The following KDM6A variants were observed in gnomAD, a reference collection of about 807,000 sequenced individuals.
KDM6A encodes lysine-specific demethylase 6A.
KDM6A carries 11 observed loss-of-function variants against 117.6 expected under a neutral mutation model. That is an observed-to-expected ratio of 0.09 (90% CI 0.06 to 0.15). The LOEUF (loss-of-function observed/expected upper bound fraction) is 0.15. KDM6A is among the 10% of genes least tolerant of loss of function. KDM6A has a pLI of 1.00. For synonymous variants in KDM6A, 384 were observed against 396.1 expected (o/e 0.97, Z 0.36); for missense variants, 799 against 1,077.3 (o/e 0.74, Z 3.62).
chrX:45,083,692 C>A, intron 24 of KDM6A, 84 bp downstream of exon 24: 1 of 848,186 alleles, frequency 1.2e-6, no homozygotes, highest in Non-Finnish European at 1.7e-6. Context: ...AGAATCTTGT[C>A]ATTTATAATG....
intron 27 of KDM6A, among the ~76,000 whole-genome samples, chrX:45,097,390 T>C (rs1451299388): frequency 1.8e-5 from 2 of 111,431 alleles, no homozygotes; most frequent in Non-Finnish European, 3.8e-5. Context: ...AGAAAGGTAA[T>C]TGAGTACATT....
chrX:44,925,713 C>T (rs1289623940), intron 2 of KDM6A, among the ~76,000 whole-genome samples: 2 of 110,950 alleles, frequency 1.8e-5, no homozygotes, highest in African/African-American at 6.6e-5. Context: ...GAATAAGTGT[C>T]CTAATGCAAA....
chrX:45,107,796 A>G lies in KDM6A; in HGVS notation c.4161+260A>G, dbSNP rs752009705. Among the ~76,000 whole-genome samples the G allele has an allele frequency of 2.7e-5, 3 of 111,767 alleles. No individual in the cohort carries two copies. The East Asian group carries it at 8.4e-4, about 31-fold the overall frequency. ...ATCTTCAACAGACAATAATCAGCAA[A>G]TTTAGTCTGAGATTTTAAACTAAGA... On this transcript the variant is annotated intron_variant, in intron 28 of 29. Coordinates refer to ENST00000611820, the MANE Select transcript of KDM6A (RefSeq NM_001291415.2).
In KDM6A at chrX:44,873,573, C is replaced by A; in HGVS notation, c.22C>A (p.Leu8Ile). 8.3e-7 allele frequency: 1 copy of A among 1,203,112 alleles called. No homozygotes were observed. Among genetic ancestry groups the A allele is most frequent in the Non-Finnish European group, 1.1e-6 (1 of 892,337 alleles). ...TTCCATGAAATCCTGCGGAGTGTCG[C>A]TCGCTACCGCCGCCGCTGCCGCCGC... MKSCGVSLATAAAAAAAF... is the reference protein window; with the variant it reads MKSCGVSIATAAAAAAAF... Residue 8 changes from leucine to isoleucine, a missense_variant, in exon 1 of 30, where the codon CTC (leucine) becomes ATC (isoleucine). Leu to Ile is a conservative substitution (Grantham distance 5, BLOSUM62 2). Transcript: ENST00000611820.
chrX:45,041,291 C>T (rs1401092854), intron 8 of KDM6A, among the ~76,000 whole-genome samples: 3 of 84,984 alleles, frequency 3.5e-5, no homozygotes, highest in South Asian at 6.9e-4. Context: ...GGCAGCTGGC[C>T]GGGCGGGGGG....
chrX:45,051,876 A>T, intron 9 of KDM6A, 74 bp downstream of exon 9: 1 of 575,607 alleles, frequency 1.7e-6, no homozygotes, highest in Non-Finnish European at 2.9e-6. Flanking sequence ...TGTGGCAAAT[A>T]TGTGGCTCAT....
At chrX:44,900,757 C>A (rs942678304) in intron 2 of KDM6A, among the ~76,000 whole-genome samples, 3 of 110,762 alleles carry the variant, frequency 2.7e-5, no homozygotes, top group Admixed American at 9.6e-5. Context: ...ATTAGCTGGG[C>A]GTGGTGGCAG....
At chrX:44,877,035 A>G (rs2031702990) in intron 2 of KDM6A, among the ~76,000 whole-genome samples, 2 of 112,463 alleles carry the variant, frequency 1.8e-5, no homozygotes, top group African/African-American at 6.4e-5. Context: ...ATATACATGT[A>G]TATACATACG....
intron 6 of KDM6A, among the ~76,000 whole-genome samples, 165 bp downstream of exon 6, chrX:45,020,895 A>T (rs1393493894): frequency 8.9e-6 from 1 of 112,091 alleles, no homozygotes; most frequent in African/African-American, 3.2e-5. Flanking sequence ...TGTGAAGTAG[A>T]GTTTCAAGGT....
intron 18 of KDM6A, among the ~76,000 whole-genome samples, chrX:45,075,358 T>C (rs1349784501): frequency 9.0e-6 from 1 of 111,585 alleles, no homozygotes; most frequent in Non-Finnish European, 1.9e-5. Context: ...AGTGTATATC[T>C]GTCTTTAAAT....
intron 2 of KDM6A, among the ~76,000 whole-genome samples, chrX:44,888,911 C>A (rs1250902570): frequency 8.9e-6 from 1 of 111,842 alleles, no homozygotes; most frequent in Non-Finnish European, 1.9e-5. Context: ...AGGTACTGGG[C>A]ATGTAGATAT....
intron 2 of KDM6A, among the ~76,000 whole-genome samples, chrX:44,884,052 A>G (rs1173527132): frequency 1.0e-5 from 1 of 96,345 alleles, no homozygotes; most frequent in Non-Finnish European, 2.0e-5. Flanking sequence ...TGGTGAGCCG[A>G]GATTGCACCA....
intron 2 of KDM6A, among the ~76,000 whole-genome samples, chrX:44,929,661 T>G (rs895094914): frequency 9.0e-6 from 1 of 110,985 alleles, no homozygotes; most frequent in Non-Finnish European, 1.9e-5. Context: ...TACCTAGGAG[T>G]GGAGTGGTTG....
intron 6 of KDM6A, among the ~76,000 whole-genome samples, chrX:45,032,896 C>T (rs2042658629): frequency 8.9e-6 from 1 of 112,347 alleles, no homozygotes; most frequent in African/African-American, 3.2e-5. Flanking sequence ...AAAACATGGT[C>T]AAGAAATACT....
chrX:45,006,721 A>T (rs976891145), intron 4 of KDM6A, among the ~76,000 whole-genome samples: 37 of 111,459 alleles, frequency 3.3e-4, no homozygotes, highest in African/African-American at 1.2e-3. Flanking sequence ...GTTTAAAAGT[A>T]GAAGGTAAAG....
rs183132298 is a variant in KDM6A, at chrX:44,968,814, T to G, written c.335-5852T>G. ...GGAGAAACACCGTCTCTACTAGAAA[T>G]AAAAAATTAGCAGGGCGTGGTGGCG... On this transcript the variant is annotated intron_variant, in intron 3 of 29. Coordinates refer to ENST00000611820, the MANE Select transcript of KDM6A (RefSeq NM_001291415.2). 7.3e-5 allele frequency among the ~76,000 whole-genome samples: 8 copies of G among 109,666 alleles called. No individual in the cohort carries two copies. In the East Asian group the frequency reaches 2.3e-3, roughly 32 times the overall value.
chrX:44,936,473 A>C (rs2036975068), intron 2 of KDM6A, among the ~76,000 whole-genome samples: 1 of 111,856 alleles, frequency 8.9e-6, no homozygotes, highest in South Asian at 3.7e-4. Flanking sequence ...TAGTATTCTG[A>C]GGAAATCCCA....
At chrX:45,014,353 G>A (rs1243998087) in intron 5 of KDM6A, among the ~76,000 whole-genome samples, 1 of 111,708 alleles carries the variant, frequency 9.0e-6, no homozygotes, top group Non-Finnish European at 1.9e-5. Flanking sequence ...ATCAGTTGCA[G>A]CCTCTTCTTA....
chrX:45,068,561 TAAA>T (rs779354016), intron 17 of KDM6A, among the ~76,000 whole-genome samples: 7 of 70,507 alleles, frequency 9.9e-5, no homozygotes, highest in East Asian at 3.6e-4. Context: ...CCTTTTTTTT[TAAA>T]AAAAAAAAAA....
Sources: allele counts gnomAD v4.1 joint callset (sites outside exome capture counted in the v4.1 genomes callset), GRCh38; gene constraint gnomAD v4.1.1; transcripts MANE v1.5; gene names NCBI Gene and HGNC (gene_info 2026-07-23, HGNC 2026-07-21).